PDLIM5: variants seen among roughly 807,000 people sequenced by gnomAD.
PDLIM5 encodes the protein PDZ and LIM domain 5, also known as PDZ and LIM domain protein 5.
Under a neutral mutation model 64.2 loss-of-function variants are expected in PDLIM5, and 34 were observed. That is an observed-to-expected ratio of 0.53 (90% CI 0.40 to 0.71). The LOEUF is 0.71. Ranked by LOEUF, PDLIM5 falls within the 30% of genes least tolerant of loss-of-function variation. The pLI is 0.00. For missense variants in PDLIM5, 683 were observed against 733.6 expected, an observed-to-expected ratio of 0.93 and a Z score of 0.80; for synonymous variants, 253 against 269.1, an observed-to-expected ratio of 0.94 and a Z score of 0.59.
Position 94,644,605 on chromosome 4 carries a change from A to G in PDLIM5, c.1283+4155A>G, listed in dbSNP as rs533591152. Among the ~76,000 whole-genome samples, 263 of 151,144 alleles carry G rather than the reference A, an allele frequency of 1.7e-3. 3 individuals carry two copies. Among genetic ancestry groups the G allele is most frequent in the African/African-American group, 6.1e-3 (253 of 41,162 alleles). ...CAGTGGTGCGATCTCGGCTCACTGC[A>G]ACCTCGGCTCACTGCAACCTCCACC... On this transcript the variant is annotated intron_variant, in intron 9 of 12. Transcript: ENST00000317968.
chr4:94,609,554 G>T (rs1326430812), intron 7 of PDLIM5, among the ~76,000 whole-genome samples: 1 of 152,122 alleles, frequency 6.6e-6, no homozygotes, highest in Non-Finnish European at 1.5e-5. Context: ...CATATTCACT[G>T]TAACATTGGT....
At chr4:94,610,151 T>C in intron 7 of PDLIM5, 1 of 1,502,388 alleles carries the variant, frequency 6.7e-7, no homozygotes, top group Non-Finnish European at 8.9e-7. Context: ...TTTCTTTCCC[T>C]ACCTGTCAGT....
At chr4:94,479,587 T>A (rs1725672908) in intron 2 of PDLIM5, among the ~76,000 whole-genome samples, 1 of 151,982 alleles carries the variant, frequency 6.6e-6, no homozygotes, top group Non-Finnish European at 1.5e-5. Flanking sequence ...TGTCTTGGCC[T>A]CCCAAAGTGC....
intron 8 of PDLIM5, among the ~76,000 whole-genome samples, chr4:94,623,193 G>A (rs1319228054): frequency 6.3e-4 from 1 of 1,578 alleles, no homozygotes; most frequent in African/African-American, 4.7e-3. Flanking sequence ...GCTGTCTGCT[G>A]CTGGTCAAAA....
At chr4:94,498,126 A>G (rs1261425803) in intron 2 of PDLIM5, among the ~76,000 whole-genome samples, 1 of 152,174 alleles carries the variant, frequency 6.6e-6, no homozygotes, top group Non-Finnish European at 1.5e-5. Context: ...TTGAGAAACC[A>G]AGTATTTGTG....
chr4:94,462,968 TTCTTTAAATGATACCATTAA>T (rs1724035048), intron 2 of PDLIM5, among the ~76,000 whole-genome samples: 1 of 152,254 alleles, frequency 6.6e-6, no homozygotes, highest in Non-Finnish European at 1.5e-5. Flanking sequence ...CATGCTGCTC[TTCTTTAAATGATACCATTAA>T]TTTCTTAAAG....
At chr4:94,522,942 T>C (rs530531257) in intron 2 of PDLIM5, among the ~76,000 whole-genome samples, 7 of 152,302 alleles carry the variant, frequency 4.6e-5, no homozygotes, top group Admixed American at 6.5e-5. Flanking sequence ...TTTCTAGATA[T>C]CTATGAAAAG....
intron 2 of PDLIM5, among the ~76,000 whole-genome samples, chr4:94,487,965 G>A (rs112981529): frequency 0.011 from 1,652 of 152,248 alleles, 30 homozygotes; most frequent in African/African-American, 0.037. Context: ...AGCAGTACTC[G>A]TGATTTAAGG....
chr4:94,593,518 G>A (rs553026120), intron 7 of PDLIM5, among the ~76,000 whole-genome samples: 60 of 152,164 alleles, frequency 3.9e-4, no homozygotes, highest in African/African-American at 1.3e-3. Context: ...CTCTGTGGGG[G>A]CACAGAGAAA....
intron 7 of PDLIM5, among the ~76,000 whole-genome samples, chr4:94,614,326 G>A (rs1738604947): frequency 6.6e-6 from 1 of 152,022 alleles, no homozygotes; most frequent in Non-Finnish European, 1.5e-5. Context: ...TGTTGCCCAG[G>A]CTGGTCTTGA....
Position 94,612,605 on chromosome 4 carries a change from G to A in PDLIM5, c.921-5399G>A, listed in dbSNP as rs1052882080. 5.4e-4 allele frequency among the ~76,000 whole-genome samples: 82 copies of A among 152,170 alleles called. 1 individual carries two copies. The highest frequency in any genetic ancestry group is 5.3e-3 in the Admixed American group (81 of 15,280). ...TGTGCTATCTATGGCCCCACCTCTA[G>A]AGCGAGTATTAGTAGTCATCACCAT... On this transcript the variant is annotated intron_variant, in intron 7 of 12. Coordinates refer to ENST00000317968, the MANE Select transcript of PDLIM5 (RefSeq NM_006457.5).
At chr4:94,540,196 T>A (rs1476742897) in intron 3 of PDLIM5, among the ~76,000 whole-genome samples, 2 of 151,586 alleles carry the variant, frequency 1.3e-5, no homozygotes, top group Non-Finnish European at 2.9e-5. Flanking sequence ...AGTGGCGCGA[T>A]CTCGGCTCAT....
intron 8 of PDLIM5, among the ~76,000 whole-genome samples, chr4:94,618,955 G>A (rs1739003848): frequency 6.6e-6 from 1 of 152,074 alleles, no homozygotes; most frequent in Middle Eastern, 3.2e-3. Flanking sequence ...TGCTCTCCCT[G>A]GGTGATCTCT....
intron 3 of PDLIM5, among the ~76,000 whole-genome samples, chr4:94,572,456 A>G (rs146852820): frequency 4.6e-5 from 7 of 152,280 alleles, no homozygotes; most frequent in African/African-American, 1.4e-4. Flanking sequence ...CTTCTCTGAA[A>G]AATTAGGATA....
At chr4:94,543,778 CTGTGTGTGTGTGTGTGTGTGTGTG>C (rs60929032) in intron 3 of PDLIM5, among the ~76,000 whole-genome samples, 104 of 132,134 alleles carry the variant, frequency 7.9e-4, no homozygotes, top group African/African-American at 1.9e-3. Context: ...TAGTATTCCA[CTGTGTGTGTGTGTGTGTGTGTGTG>C]TGTGTGTGTG....
At chr4:94,613,742 A>C (rs1738546848) in intron 7 of PDLIM5, among the ~76,000 whole-genome samples, 1 of 152,144 alleles carries the variant, frequency 6.6e-6, no homozygotes, top group Non-Finnish European at 1.5e-5. Flanking sequence ...AGAATTATTT[A>C]GAAAACATTT....
In PDLIM5 at chr4:94,667,851, T is replaced by C. The variant is rs1743153464; in HGVS notation, c.*3784T>C. ...CTTTTATAGAAAATAATTTCTTCTT[T>C]ACCCCCGTTCCAGTGTGAATCTAGT... On this transcript the variant is annotated 3_prime_UTR_variant, in exon 13 of 13. Transcript: ENST00000317968. The C allele has an allele frequency of 6.6e-6, 1 of 152,184 alleles. No individual in the cohort carries two copies. The highest frequency in any genetic ancestry group is 2.4e-5 in the African/African-American group (1 of 41,452). 9.4% of individuals were successfully genotyped at this position (152,184 alleles called of 1,614,324 possible).
intron 2 of PDLIM5, among the ~76,000 whole-genome samples, chr4:94,490,714 T>G (rs1578242816): frequency 1.3e-5 from 2 of 152,180 alleles, no homozygotes; most frequent in Non-Finnish European, 2.9e-5. Context: ...TTGTGGCTCC[T>G]CTGCTAATCA....
intron 2 of PDLIM5, among the ~76,000 whole-genome samples, chr4:94,519,611 A>G (rs1344087039): frequency 2.0e-5 from 3 of 152,178 alleles, no homozygotes; most frequent in Non-Finnish European, 2.9e-5. Context: ...ACAGACAACT[A>G]CCTTACAAAA....
Sources: allele counts gnomAD v4.1 joint callset (sites outside exome capture counted in the v4.1 genomes callset), GRCh38; gene constraint gnomAD v4.1.1; transcripts MANE v1.5; gene names NCBI Gene and HGNC (gene_info 2026-07-23, HGNC 2026-07-21).